Variants in LOC400499 observed in about 807,000 individuals in gnomAD.
chr16:11,491,573 C>T, the LOC400499 span: 1 of 386,792 alleles, frequency 2.6e-6, no homozygotes. Context: ...AACAGGGGAA[C>T]AAGAACACAG....
the LOC400499 span, among the ~76,000 whole-genome samples, chr16:11,389,349 G>A: frequency 0.68 from 103,965 of 152,100 alleles, 38,496 homozygotes; most frequent in Non-Finnish European, 0.82. Flanking sequence ...GCTTCTGCAC[G>A]GCCTGCAAGT....
At chr16:11,489,757 G>C in the LOC400499 span, among the ~76,000 whole-genome samples, 1 of 152,208 alleles carries the variant, frequency 6.6e-6, no homozygotes, top group African/African-American at 2.4e-5. Flanking sequence ...GCCTGAAACT[G>C]CCAAGGCAGA....
the LOC400499 span, among the ~76,000 whole-genome samples, chr16:11,385,863 G>A: frequency 6.6e-6 from 1 of 152,186 alleles, no homozygotes; most frequent in Non-Finnish European, 1.5e-5. Context: ...AGAAGCCACT[G>A]AATCGTACAC....
chr16:11,442,817 C>T, the LOC400499 span, among the ~76,000 whole-genome samples: 1 of 152,306 alleles, frequency 6.6e-6, no homozygotes, highest in Admixed American at 6.5e-5. Flanking sequence ...TAAGAAACAG[C>T]AAACACCATC....
the LOC400499 span, among the ~76,000 whole-genome samples, chr16:11,383,123 T>C: frequency 6.6e-6 from 1 of 151,472 alleles, no homozygotes; most frequent in Non-Finnish European, 1.5e-5. Context: ...TAGAGTGCAG[T>C]GGTGCAGTCT....
the LOC400499 span, among the ~76,000 whole-genome samples, chr16:11,388,776 C>G: frequency 6.6e-6 from 1 of 152,204 alleles, no homozygotes; most frequent in Non-Finnish European, 1.5e-5. Flanking sequence ...TGCAGGCATT[C>G]TGCTCCAGCC....
At chr16:11,405,508 G>A in the LOC400499 span, among the ~76,000 whole-genome samples, 4 of 152,218 alleles carry the variant, frequency 2.6e-5, no homozygotes, top group African/African-American at 9.6e-5. Context: ...AGGAGGCAGG[G>A]AAGAGCATTC....
At chr16:11,410,297 T>C in the LOC400499 span, among the ~76,000 whole-genome samples, 1,789 of 151,982 alleles carry the variant, frequency 0.012, 40 homozygotes, top group African/African-American at 0.041. Flanking sequence ...CTACCAAAAA[T>C]ACAAAAATTA....
chr16:11,376,088 G>T, the LOC400499 span, among the ~76,000 whole-genome samples: 2 of 152,178 alleles, frequency 1.3e-5, no homozygotes, highest in African/African-American at 4.8e-5. Context: ...CATTGTGAGA[G>T]TGCTTTATGT....
chr16:11,412,653 A>T, the LOC400499 span, among the ~76,000 whole-genome samples: 1 of 152,086 alleles, frequency 6.6e-6, no homozygotes, highest in Non-Finnish European at 1.5e-5. Context: ...CTGCCTGGAG[A>T]GGATGAGGGA....
chr16:11,390,061 T>G, the LOC400499 span: 2 of 1,180,276 alleles, frequency 1.7e-6, no homozygotes, highest in Non-Finnish European at 2.1e-6. Context: ...GCACCTGGTA[T>G]GTGGCAGGCA....
chr16:11,488,044 G>C, the LOC400499 span, among the ~76,000 whole-genome samples: 1 of 151,488 alleles, frequency 6.6e-6, no homozygotes, highest in East Asian at 1.9e-4. Context: ...TTGAACCCTG[G>C]AGGCAGAGGT....
the LOC400499 span, among the ~76,000 whole-genome samples, chr16:11,449,676 C>T: frequency 6.6e-6 from 1 of 152,250 alleles, no homozygotes; most frequent in Non-Finnish European, 1.5e-5. Flanking sequence ...GAGCCTCCAA[C>T]CCAATACCAG....
chr16:11,448,018 G>C, the LOC400499 span: 1 of 1,536,034 alleles, frequency 6.5e-7, no homozygotes, highest in Non-Finnish European at 8.7e-7. Flanking sequence ...CAGGCCCCGA[G>C]GCTGGCCCTG....
chr16:11,521,141 T>G, the LOC400499 span, among the ~76,000 whole-genome samples: 5 of 152,094 alleles, frequency 3.3e-5, no homozygotes, highest in Admixed American at 2.6e-4. Context: ...TCAGGCCCAC[T>G]CCATGAAAGA....
At chr16:11,381,148 G>A in the LOC400499 span, 5 of 152,148 alleles carry the variant, frequency 3.3e-5, no homozygotes, top group African/African-American at 1.2e-4. Context: ...CTCACTCCCC[G>A]TGCCGGAACT....
At chr16:11,457,591 CAAAAA>C in the LOC400499 span, among the ~76,000 whole-genome samples, 2 of 97,090 alleles carry the variant, frequency 2.1e-5, no homozygotes, top group Non-Finnish European at 2.1e-5. Flanking sequence ...GACTCCATCT[CAAAAA>C]AAAAAAAAAA....
chr16:11,433,771 G>C, the LOC400499 span, among the ~76,000 whole-genome samples: 45 of 152,296 alleles, frequency 3.0e-4, no homozygotes, highest in Middle Eastern at 3.4e-3. Flanking sequence ...TGAACCATGG[G>C]GTTCACAGAG....
At chr16:11,384,649 G>A in the LOC400499 span, among the ~76,000 whole-genome samples, 9 of 152,220 alleles carry the variant, frequency 5.9e-5, no homozygotes, top group African/African-American at 2.2e-4. Context: ...ACTCCACACT[G>A]GAGCCGCGTG....
Sources: gnomAD v4.1 joint callset for allele counts (sites outside exome capture counted in the v4.1 genomes callset) on GRCh38, gnomAD v4.1.1 for gene constraint, MANE v1.5 for transcripts.